PLA2G4A: variants seen among roughly 807,000 people sequenced by gnomAD.
PLA2G4A encodes cytosolic phospholipase A2.
In PLA2G4A, 40 loss-of-function variants were observed where a neutral mutation model predicts 81.9. The ratio of observed to expected loss-of-function variants is 0.49; its 90% CI spans 0.38 to 0.64. The LOEUF (loss-of-function observed/expected upper bound fraction) is 0.64, where lower values mean the gene tolerates loss of function less well. Among genes scored for constraint, PLA2G4A ranks in the 30% least tolerant of loss-of-function variants. The pLI is 0.00. For missense variants in PLA2G4A, 715 were observed against 905.1 expected (o/e 0.79, Z 2.69); for synonymous variants, 302 against 296.9 (o/e 1.02, Z -0.18).
intron 1 of PLA2G4A, among the ~76,000 whole-genome samples, chr1:186,838,772 G>A (rs1172316719): frequency 1.3e-5 from 2 of 152,004 alleles, no homozygotes; most frequent in Non-Finnish European, 2.9e-5. Flanking sequence ...TGGTCTTTGT[G>A]CTCCCTAAGA....
chr1:186,934,459 T>TACACAC lies in PLA2G4A; in HGVS notation c.695+1561_695+1562insCACACA, dbSNP rs1435890369. On this transcript the variant is annotated intron_variant, in intron 8 of 17. Transcript: ENST00000367466. Reference sequence around the variant, plus strand: ...AAATGTGCACATATATATATATATATATATACATACACAGAGAGAGTAATT... The same window carrying TACACAC: ...AAATGTGCACATATATATATATATATACACACATATACATACACAGAGAGAGTAATT... Among the ~76,000 whole-genome samples the TACACAC allele has an allele frequency of 3.9e-3, 496 of 126,928 alleles. 8 individuals carry two copies. Among genetic ancestry groups the TACACAC allele is most frequent in the African/African-American group, 0.017 (468 of 27,816 alleles). The allele number at this position is 126,928 out of a possible 152,430, so 83.3% of individuals were successfully genotyped here.
At chr1:186,953,362 T>C (rs997714778) in intron 13 of PLA2G4A, among the ~76,000 whole-genome samples, 9 of 152,226 alleles carry the variant, frequency 5.9e-5, no homozygotes, top group Non-Finnish European at 1.2e-4. Flanking sequence ...TATCTGTATA[T>C]CGTTTTGATG....
chr1:186,945,206 G>T (rs1400847381), intron 10 of PLA2G4A, among the ~76,000 whole-genome samples: 1 of 152,164 alleles, frequency 6.6e-6, no homozygotes, highest in Non-Finnish European at 1.5e-5. Context: ...AGGTGCTGAA[G>T]TGGGAATGAA....
chr1:186,938,936 G>T lies in PLA2G4A; in HGVS notation c.696-72G>T, dbSNP rs1057340021. The T allele has an allele frequency of 1.1e-5, 9 of 815,378 alleles. No individual in the cohort carries two copies. The African/African-American group carries it at 1.5e-4, about 14-fold the overall frequency. 50.5% of individuals were successfully genotyped at this position (815,378 alleles called of 1,614,324 possible). On this transcript the variant is annotated intron_variant, in intron 8 of 17. Coordinates refer to ENST00000367466, the MANE Select transcript of PLA2G4A (RefSeq NM_024420.3). ...GTCCACCATGCTTTATTTACAGAGT[G>T]TGCCTTCTTTCTTTGGAGACTGTTG...
At chr1:186,838,331 A>G (rs1295915061) in intron 1 of PLA2G4A, among the ~76,000 whole-genome samples, 5 of 152,252 alleles carry the variant, frequency 3.3e-5, no homozygotes, top group African/African-American at 9.6e-5. Context: ...AGAAAAATCC[A>G]TAAAATGGAT....
At chr1:186,898,457 A>G (rs890884298) in intron 5 of PLA2G4A, among the ~76,000 whole-genome samples, 14 of 152,124 alleles carry the variant, frequency 9.2e-5, no homozygotes, top group Non-Finnish European at 4.4e-5. Context: ...TATCCTGTGA[A>G]CTCTCTAGGG....
intron 15 of PLA2G4A, among the ~76,000 whole-genome samples, chr1:186,971,177 A>G (rs1326024370): frequency 6.6e-6 from 1 of 151,914 alleles, no homozygotes; most frequent in Non-Finnish European, 1.5e-5. Context: ...ATTATATCAT[A>G]TACTATATGA....
chr1:186,910,828 T>C (rs946471055), intron 6 of PLA2G4A, among the ~76,000 whole-genome samples: 11 of 152,176 alleles, frequency 7.2e-5, no homozygotes, highest in African/African-American at 2.7e-4. Flanking sequence ...ATGCTGGCTC[T>C]TTGGGATGTT....
intron 6 of PLA2G4A, among the ~76,000 whole-genome samples, chr1:186,910,911 G>T (rs1038381358): frequency 1.3e-5 from 2 of 152,192 alleles, no homozygotes; most frequent in African/African-American, 4.8e-5. Flanking sequence ...AAGTAAGTTT[G>T]GGATATCCTG....
At chr1:186,933,000 T>C in intron 8 of PLA2G4A, 101 bp downstream of exon 8, 1 of 868,064 alleles carries the variant, frequency 1.2e-6, no homozygotes, top group Non-Finnish European at 1.9e-6. Flanking sequence ...AATTGATCAT[T>C]AATTTAAATT....
Position 186,977,582 on chromosome 1 carries a change from C to G in PLA2G4A, c.1765-11C>G, listed in dbSNP as rs1449290636. Reference sequence around the variant, plus strand: ...AAAATTTCCAAATTCATCTTTCCATCTTTCCCATAGGAACTTCTACTTGCA... The same window carrying G: ...AAAATTTCCAAATTCATCTTTCCATGTTTCCCATAGGAACTTCTACTTGCA... On this transcript the variant is annotated splice_polypyrimidine_tract_variant and intron_variant, in intron 15 of 17. Coordinates refer to ENST00000367466, the MANE Select transcript of PLA2G4A (RefSeq NM_024420.3). The G allele has an allele frequency of 1.9e-6, 3 of 1,595,004 alleles. No homozygotes were observed. The highest frequency in any genetic ancestry group is 2.2e-5 in the East Asian group (1 of 44,758).
Position 186,977,628 on chromosome 1 carries a change from C to A in PLA2G4A, c.1800C>A (p.Asn600Lys). The A allele has an allele frequency of 6.2e-7, 1 of 1,613,612 alleles. No homozygotes were observed. Among genetic ancestry groups the A allele is most frequent in the Non-Finnish European group, 8.5e-7 (1 of 1,179,584 alleles). The change falls in exon 16 of 18, where the codon AAC (asparagine) becomes AAA (lysine). Residue 600 changes from asparagine (N) to lysine (K), a missense_variant. By Grantham distance (94) the Asn-to-Lys change is moderately conservative (BLOSUM62 0). Coordinates refer to ENST00000367466, the MANE Select transcript of PLA2G4A (RefSeq NM_024420.3). ...LLLAEKWAKM[N>K]KLPFPKIDPY... ...TTGCAGAAAAGTGGGCTAAAATGAA[C>A]AAGCTCCCCTTTCCAAAGATTGATC...
chr1:186,945,091 G>T (rs1656290691), intron 10 of PLA2G4A, among the ~76,000 whole-genome samples: 1 of 152,140 alleles, frequency 6.6e-6, no homozygotes, highest in Non-Finnish European at 1.5e-5. Flanking sequence ...GAGTTGGGCA[G>T]GGGTGGATGA....
chr1:186,947,124 ACTT>A lies in PLA2G4A; in HGVS notation c.1264+167_1264+169del, dbSNP rs1393504337. Among the ~76,000 whole-genome samples, 7 of 152,250 alleles carry A rather than the reference ACTT, an allele frequency of 4.6e-5. No individual in the cohort carries two copies. The East Asian group carries it at 7.7e-4, about 17-fold the overall frequency. On this transcript the variant is annotated intron_variant, in intron 12 of 17. Coordinates refer to ENST00000367466, the MANE Select transcript of PLA2G4A (RefSeq NM_024420.3). ...AAATATTTCCTAAAAATAATATGTTACTTCTTAAGTATTATTTTGACACTGAGG... is the reference window on the plus strand; with the variant it reads ...AAATATTTCCTAAAAATAATATGTTACTTAAGTATTATTTTGACACTGAGG...
At chr1:186,855,004 A>T (rs1045042074) in intron 2 of PLA2G4A, among the ~76,000 whole-genome samples, 1 of 152,004 alleles carries the variant, frequency 6.6e-6, no homozygotes, top group African/African-American at 2.4e-5. Context: ...GGTTTTATGG[A>T]TATTTAAGGA....
At chr1:186,835,109 T>G (rs1194503134) in intron 1 of PLA2G4A, among the ~76,000 whole-genome samples, 2 of 152,148 alleles carry the variant, frequency 1.3e-5, no homozygotes, top group African/African-American at 4.8e-5. Context: ...CTAGAAACAT[T>G]AGGTCAGCAC....
chr1:186,932,491 G>A (rs549616037), intron 7 of PLA2G4A, among the ~76,000 whole-genome samples: 77 of 151,800 alleles, frequency 5.1e-4, no homozygotes, highest in African/African-American at 1.8e-3. Context: ...TGTAGAGATG[G>A]GGTTTCACCA....
intron 15 of PLA2G4A, among the ~76,000 whole-genome samples, chr1:186,968,662 A>T (rs1172254960): frequency 2.0e-5 from 3 of 151,942 alleles, no homozygotes; most frequent in Non-Finnish European, 4.4e-5. Flanking sequence ...CAACTTTTAG[A>T]TTATTGCTAT....
At chr1:186,865,255 G>A (rs1652983851) in intron 2 of PLA2G4A, among the ~76,000 whole-genome samples, 1 of 151,654 alleles carries the variant, frequency 6.6e-6, no homozygotes, top group African/African-American at 2.4e-5. Context: ...TCCAAATTAG[G>A]TGTTTTGAGC....
Sources: gnomAD v4.1 joint callset for allele counts (sites outside exome capture counted in the v4.1 genomes callset) on GRCh38, gnomAD v4.1.1 for gene constraint, MANE v1.5 for transcripts, NCBI Gene and HGNC (gene_info 2026-07-23, HGNC 2026-07-21) for gene names.